The following NRXN3 variants were observed in gnomAD, a reference collection of about 807,000 sequenced individuals.
NRXN3 encodes neurexin III.
Under a neutral mutation model 137.6 loss-of-function variants are expected in NRXN3, and 32 were observed. That is an observed-to-expected ratio of 0.23 (90% CI 0.18 to 0.31). NRXN3 has a LOEUF of 0.31. Ranked by LOEUF, NRXN3 falls within the 10% of genes least tolerant of loss-of-function variation. NRXN3 has a pLI of 1.00. For synonymous variants in NRXN3, 798 were observed against 784.5 expected (o/e 1.02, Z -0.29); for missense variants, 1,574 against 2,062.5 (o/e 0.76, Z 4.59).
At chr14:78,556,862 T>TCTCTTCTCCTCTCCTCTCCC (rs1322559824) in intron 4 of NRXN3, among the ~76,000 whole-genome samples, 21 of 146,544 alleles carry the variant, frequency 1.4e-4, no homozygotes, top group South Asian at 6.8e-4. Context: ...TCTCCTCTCC[T>TCTCTTCTCCTCTCCTCTCCC]CTCTTCTCCT....
intron 15 of NRXN3, among the ~76,000 whole-genome samples, chr14:79,189,719 G>A (rs1339129551): frequency 3.3e-5 from 5 of 152,034 alleles, no homozygotes; most frequent in East Asian, 1.9e-4. Flanking sequence ...AACTTTCTGC[G>A]GTGACACAGA....
intron 16 of NRXN3, among the ~76,000 whole-genome samples, chr14:79,525,262 T>G (rs2097108113): frequency 6.6e-6 from 1 of 152,168 alleles, no homozygotes; most frequent in African/African-American, 2.4e-5. Flanking sequence ...CTCGAGGGTT[T>G]CCAGGTATAT....
At chr14:79,360,612 C>A (rs193016558) in intron 15 of NRXN3, among the ~76,000 whole-genome samples, 1 of 152,156 alleles carries the variant, frequency 6.6e-6, no homozygotes, top group Non-Finnish European at 1.5e-5. Context: ...CGTGGCCGAG[C>A]AAGCTTTGGA....
chr14:78,777,096 C>G (rs1264652840), intron 8 of NRXN3, among the ~76,000 whole-genome samples: 2 of 152,122 alleles, frequency 1.3e-5, no homozygotes, highest in Admixed American at 1.3e-4. Context: ...CATCCAAAAG[C>G]CCTCATGTGG....
intron 10 of NRXN3, among the ~76,000 whole-genome samples, chr14:78,879,864 C>G (rs1325780514): frequency 6.6e-6 from 1 of 152,160 alleles, no homozygotes; most frequent in East Asian, 1.9e-4. Flanking sequence ...AGGGACCCCC[C>G]CTGCCCCCCA....
chr14:79,565,903 G>GA (rs2097546697), intron 16 of NRXN3, among the ~76,000 whole-genome samples: 2 of 152,100 alleles, frequency 1.3e-5, no homozygotes, highest in Non-Finnish European at 2.9e-5. Flanking sequence ...TGTTTGTTAA[G>GA]AAAAATAATT....
chr14:78,619,131 C>T (rs1373193165), intron 4 of NRXN3, among the ~76,000 whole-genome samples: 2 of 152,158 alleles, frequency 1.3e-5, no homozygotes, highest in African/African-American at 2.4e-5. Flanking sequence ...TAGTATTCTC[C>T]ACAGAGCTCC....
chr14:79,808,214 G>A (rs1293802138), intron 20 of NRXN3, among the ~76,000 whole-genome samples: 2 of 146,224 alleles, frequency 1.4e-5, no homozygotes, highest in Non-Finnish European at 3.0e-5. Flanking sequence ...TCCAGCTTGG[G>A]CAACAGAGTG....
intron 15 of NRXN3, among the ~76,000 whole-genome samples, chr14:79,335,002 T>A (rs1175830322): frequency 6.6e-6 from 1 of 152,194 alleles, no homozygotes; most frequent in Non-Finnish European, 1.5e-5. Context: ...CAGCCTTGCC[T>A]GGCAGACAAT....
chr14:78,512,183 G>A (rs1280901812), intron 4 of NRXN3, among the ~76,000 whole-genome samples: 2 of 152,104 alleles, frequency 1.3e-5, no homozygotes, highest in African/African-American at 4.8e-5. Flanking sequence ...CTTTGAGTCA[G>A]TCACCAGACA....
chr14:78,474,923 G>C (rs2095351733), intron 4 of NRXN3, among the ~76,000 whole-genome samples: 1 of 152,180 alleles, frequency 6.6e-6, no homozygotes, highest in African/African-American at 2.4e-5. Context: ...GTGTTTAAAA[G>C]TACAGATCTT....
chr14:79,763,637 G>T (rs1188397675), intron 19 of NRXN3, among the ~76,000 whole-genome samples: 1 of 121,204 alleles, frequency 8.3e-6, no homozygotes. Flanking sequence ...GACCCTGGCA[G>T]ATGTGATGTC....
chr14:79,822,247 C>T (rs2099274917), intron 20 of NRXN3, among the ~76,000 whole-genome samples: 1 of 152,054 alleles, frequency 6.6e-6, no homozygotes. Flanking sequence ...GTACTGGTTC[C>T]CAAGCTCGAA....
At chr14:79,825,388 A>G (rs546000219) in intron 20 of NRXN3, among the ~76,000 whole-genome samples, 4 of 152,122 alleles carry the variant, frequency 2.6e-5, no homozygotes, top group Non-Finnish European at 5.9e-5. Flanking sequence ...GTTTTCATTT[A>G]AGAAAATTTC....
intron 15 of NRXN3, among the ~76,000 whole-genome samples, chr14:79,067,013 A>G (rs71609608): frequency 6.6e-6 from 1 of 151,986 alleles, no homozygotes; most frequent in Non-Finnish European, 1.5e-5. Flanking sequence ...GTTGAATAAG[A>G]GTGGTGAGGA....
At chr14:78,210,783 G>A (rs940591648) in intron 1 of NRXN3, among the ~76,000 whole-genome samples, 1 of 152,030 alleles carries the variant, frequency 6.6e-6, no homozygotes, top group Non-Finnish European at 1.5e-5. Flanking sequence ...GTTTTGCTCA[G>A]CATAACATTT....
At chr14:79,079,516 A>C (rs1453723617) in intron 15 of NRXN3, among the ~76,000 whole-genome samples, 1 of 152,200 alleles carries the variant, frequency 6.6e-6, no homozygotes, top group East Asian at 1.9e-4. Flanking sequence ...AAATGGTGAT[A>C]TGGAGAACTT....
chr14:78,636,902 A>G (rs1204693442), intron 4 of NRXN3, among the ~76,000 whole-genome samples: 1 of 152,026 alleles, frequency 6.6e-6, no homozygotes, highest in Non-Finnish European at 1.5e-5. Context: ...ATAAATTATT[A>G]TAAGTGGGAA....
intron 2 of NRXN3, among the ~76,000 whole-genome samples, chr14:78,253,299 C>T (rs1400299716): frequency 6.6e-6 from 1 of 151,868 alleles, no homozygotes; most frequent in Non-Finnish European, 1.5e-5. Context: ...TTAGAGGATG[C>T]TAAGACATTT....
Sources: gnomAD v4.1 joint callset for allele counts (sites outside exome capture counted in the v4.1 genomes callset) on GRCh38, gnomAD v4.1.1 for gene constraint, MANE v1.5 for transcripts, NCBI Gene and HGNC (gene_info 2026-07-23, HGNC 2026-07-21) for gene names.